PAK2: variants seen among roughly 807,000 people sequenced by gnomAD.
PAK2 encodes serine/threonine-protein kinase PAK 2.
Under a neutral mutation model 65.9 loss-of-function variants are expected in PAK2, and 21 were observed. That is an observed-to-expected ratio of 0.32 (90% confidence interval 0.23 to 0.46). PAK2 has a LOEUF of 0.46. PAK2 is among the 20% of genes least tolerant of loss of function. The pLI, the probability that PAK2 is intolerant of heterozygous loss-of-function variation, is 1.00. For synonymous variants in PAK2, 204 were observed against 219.7 expected (o/e 0.93, Z 0.63); for missense variants, 324 against 642.6 (o/e 0.50, Z 5.36).
intron 2 of PAK2, among the ~76,000 whole-genome samples, chr3:196,784,238 AATTATAC>A (rs1641896508): frequency 1.5e-5 from 1 of 66,384 alleles, no homozygotes; most frequent in Admixed American, 1.8e-4. Context: ...TTTTTTTTTT[AATTATAC>A]TTTAAGTTTT....
rs1560113947 is a variant in PAK2 at position 196,811,330 on chromosome 3, TCCCTCCCTTCCCTCCCTTCCTTCCCTC to T, written c.773+680_773+706del. Among the ~76,000 whole-genome samples, 3 of 3,908 alleles carry T rather than the reference TCCCTCCCTTCCCTCCCTTCCTTCCCTC, an allele frequency of 7.7e-4. 1 individual carries two copies. Among genetic ancestry groups the T allele is most frequent in the African/African-American group, 1.5e-3 (2 of 1,366 alleles). 2.6% of individuals were successfully genotyped at this position (3,908 alleles called of 152,430 possible). A position where few individuals can be genotyped will look rare whatever the true frequency, so the allele number is the denominator to read the frequency against. ...CTTCCCTTCCTTTCCTTCCTTCCCT[TCCCTCCCTTCCCTCCCTTCCTTCCCTC>T]CCTTCCCTTCCTTCTCTTCCTTCCT... On this transcript the variant is annotated intron_variant, in intron 8 of 14. Transcript: ENST00000327134.
Position 196,806,506 on chromosome 3 carries a change from C to T in PAK2, c.469-73C>T, listed in dbSNP as rs150458941. ...TCAAAGAAGCAAACTTTTTGAAGTA[C>T]GTTCATAAAGGGCGATAGTCGCATT... On this transcript the variant is annotated intron_variant, in intron 5 of 14. Coordinates refer to ENST00000327134, the MANE Select transcript of PAK2 (RefSeq NM_002577.4). 5.3e-5 allele frequency: 47 copies of T among 890,458 alleles called. No individual in the cohort carries two copies. In the East Asian group the frequency reaches 7.1e-4, roughly 13 times the overall value. The allele number at this position is 890,458 out of a possible 1,614,324, so 55.2% of individuals were successfully genotyped here.
chr3:196,826,852 C>A (rs558496112), intron 13 of PAK2, among the ~76,000 whole-genome samples: 1 of 151,862 alleles, frequency 6.6e-6, no homozygotes, highest in African/African-American at 2.4e-5. Context: ...ACCCAGGAGG[C>A]AGAGGTTGCA....
At chr3:196,770,192 G>C (rs748081062) in intron 1 of PAK2, among the ~76,000 whole-genome samples, 8 of 152,082 alleles carry the variant, frequency 5.3e-5, no homozygotes, top group African/African-American at 9.7e-5. Context: ...AGGAGGTTTA[G>C]ACCGCAGTGA....
At chr3:196,759,564 G>T (rs1177858271) in intron 1 of PAK2, among the ~76,000 whole-genome samples, 1 of 131,956 alleles carries the variant, frequency 7.6e-6, no homozygotes, top group Non-Finnish European at 1.6e-5. Context: ...CTGTCACCCA[G>T]GCTGGAGGCT....
chr3:196,767,356 C>G (rs938921781), intron 1 of PAK2, among the ~76,000 whole-genome samples: 4 of 152,008 alleles, frequency 2.6e-5, no homozygotes, highest in African/African-American at 9.7e-5. Context: ...ATATTGCTTT[C>G]CTATGACTTG....
chr3:196,742,899 T>G (rs557230488), intron 1 of PAK2, among the ~76,000 whole-genome samples: 9 of 152,242 alleles, frequency 5.9e-5, no homozygotes, highest in South Asian at 2.1e-4. Flanking sequence ...CCGCCTGGGC[T>G]ACAGAGCGAG....
chr3:196,816,950 T>A (rs866524137), intron 11 of PAK2, among the ~76,000 whole-genome samples: 4 of 152,146 alleles, frequency 2.6e-5, no homozygotes, highest in South Asian at 2.1e-4. Flanking sequence ...GAAGAACATC[T>A]TCTTTCTGAT....
intron 2 of PAK2, among the ~76,000 whole-genome samples, chr3:196,794,134 T>C (rs916470960): frequency 1.3e-5 from 2 of 151,172 alleles, no homozygotes; most frequent in Non-Finnish European, 3.0e-5. Flanking sequence ...CTGTCTCAAA[T>C]AAAAAAAGAA....
intron 1 of PAK2, among the ~76,000 whole-genome samples, chr3:196,762,721 G>A (rs1393421623): frequency 6.6e-6 from 1 of 151,638 alleles, no homozygotes; most frequent in Non-Finnish European, 1.5e-5. Context: ...CTTTAACCGG[G>A]GAGGCGGAGG....
intron 1 of PAK2, among the ~76,000 whole-genome samples, chr3:196,753,204 G>C (rs1028841883): frequency 6.6e-6 from 1 of 151,938 alleles, no homozygotes; most frequent in Non-Finnish European, 1.5e-5. Flanking sequence ...TGATCCGCCC[G>C]CCTCAGCCTC....
chr3:196,803,390 G>C (rs989750436), intron 4 of PAK2, among the ~76,000 whole-genome samples: 1 of 152,122 alleles, frequency 6.6e-6, no homozygotes, highest in Non-Finnish European at 1.5e-5. Context: ...GGAGTTGATG[G>C]ATATTTTGGC....
chr3:196,783,673 G>T (rs750448812), intron 2 of PAK2, among the ~76,000 whole-genome samples: 1 of 151,544 alleles, frequency 6.6e-6, no homozygotes, highest in Non-Finnish European at 1.5e-5. Context: ...TACCTCTGAA[G>T]TCCCCATCTG....
intron 1 of PAK2, among the ~76,000 whole-genome samples, chr3:196,764,721 G>A (rs1430430419): frequency 6.6e-6 from 1 of 151,420 alleles, no homozygotes; most frequent in East Asian, 1.9e-4. Flanking sequence ...GTCTTGCCAC[G>A]TTGCCCAGGC....
rs367592484 is a variant in PAK2, at chr3:196,812,275, C to G, written c.822+8C>G. 32 of 1,538,854 alleles carry G rather than the reference C, an allele frequency of 2.1e-5. No individual in the cohort carries two copies. Among genetic ancestry groups the G allele is most frequent in the Non-Finnish European group, 2.7e-5 (30 of 1,111,742 alleles). ...GTTGCACTGGGACAGGAGGTAGTTA[C>G]TTTGTTGTAATCCTGGGTGTTACCA... On this transcript the variant is annotated splice_region_variant and intron_variant, in intron 9 of 14. Coordinates refer to ENST00000327134, the MANE Select transcript of PAK2 (RefSeq NM_002577.4).
chr3:196,782,963 A>G (rs962184882), intron 2 of PAK2, 130 bp downstream of exon 2: 3 of 487,412 alleles, frequency 6.2e-6, no homozygotes, highest in Non-Finnish European at 1.1e-5. Flanking sequence ...TACAGGCACT[A>G]TTAAAAAGAC....
At chr3:196,809,653 T>TAAA (rs747365769) in intron 7 of PAK2, among the ~76,000 whole-genome samples, 2 of 139,772 alleles carry the variant, frequency 1.4e-5, no homozygotes, top group African/African-American at 2.6e-5. Context: ...AGCTGCTACT[T>TAAA]AAAAAAAAAA....
At chr3:196,813,953 A>C (rs182357277) in intron 10 of PAK2, among the ~76,000 whole-genome samples, 26 of 152,294 alleles carry the variant, frequency 1.7e-4, no homozygotes, top group African/African-American at 5.5e-4. Flanking sequence ...TGTCTCAAAA[A>C]AATAAATAAA....
intron 1 of PAK2, among the ~76,000 whole-genome samples, chr3:196,780,068 T>G (rs776696218): frequency 1.3e-5 from 2 of 152,360 alleles, no homozygotes; most frequent in Non-Finnish European, 2.9e-5. Context: ...AGCTGCATGC[T>G]GCTTGCATCC....
Sources: allele counts gnomAD v4.1 joint callset (sites outside exome capture counted in the v4.1 genomes callset), GRCh38; gene constraint gnomAD v4.1.1; transcripts MANE v1.5; gene names NCBI Gene and HGNC (gene_info 2026-07-23, HGNC 2026-07-21).